Variants in DENND5B observed in about 807,000 individuals in gnomAD.
The protein encoded by DENND5B is DENN domain-containing protein 5B.
DENND5B carries 34 observed loss-of-function variants against 140.6 expected under a neutral mutation model. The observed-to-expected ratio is 0.24, with a 90% CI of 0.18 to 0.32. The LOEUF (loss-of-function observed/expected upper bound fraction) is 0.32, where lower values mean the gene tolerates loss of function less well. DENND5B is among the 10% of genes least tolerant of loss of function. The probability of loss-of-function intolerance (pLI) is 1.00; values close to 1 mark genes in which losing one functional copy is unlikely to be tolerated. For missense variants in DENND5B, 1,142 were observed against 1,560.2 expected, an observed-to-expected ratio of 0.73 and a Z score of 4.52; for synonymous variants, 551 against 562.1, an observed-to-expected ratio of 0.98 and a Z score of 0.28.
At chr12:31,435,455 CTT>C (rs1248573415) in intron 7 of DENND5B, among the ~76,000 whole-genome samples, 19 of 152,156 alleles carry the variant, frequency 1.2e-4, no homozygotes, top group Non-Finnish European at 2.4e-4. Flanking sequence ...TATCGCCAAT[CTT>C]TTTCTCAGTG....
intron 4 of DENND5B, among the ~76,000 whole-genome samples, chr12:31,459,295 T>C (rs1046567675): frequency 1.3e-5 from 2 of 148,626 alleles, no homozygotes; most frequent in East Asian, 2.1e-4. Flanking sequence ...ATAATTCTTG[T>C]TTATTTATTT....
chr12:31,387,280 C>T lies in DENND5B; in HGVS notation c.*323G>A. ...TGGCTAGCACCACTCTTCCCCCCAACCCCCAACATTTTTAAGCTACTTATT... is the reference window on the plus strand; with the variant it reads ...TGGCTAGCACCACTCTTCCCCCCAATCCCCAACATTTTTAAGCTACTTATT... On this transcript the variant is annotated 3_prime_UTR_variant, in exon 21 of 21. Coordinates refer to ENST00000389082, the MANE Select transcript of DENND5B (RefSeq NM_144973.4). The T allele has an allele frequency of 5.3e-6, 1 of 188,540 alleles. No homozygotes were observed. Among genetic ancestry groups the T allele is most frequent in the South Asian group, 1.4e-4 (1 of 7,100 alleles). The allele number at this position is 188,540 out of a possible 1,614,324, so 11.7% of individuals were successfully genotyped here. A position where few individuals can be genotyped will look rare whatever the true frequency, so the allele number is the denominator to read the frequency against.
intron 16 of DENND5B, among the ~76,000 whole-genome samples, chr12:31,398,923 A>C (rs991364595): frequency 2.6e-5 from 4 of 151,688 alleles, no homozygotes; most frequent in Non-Finnish European, 5.9e-5. Context: ...GGAGTTTGAG[A>C]CCAGCCTGGC....
intron 4 of DENND5B, among the ~76,000 whole-genome samples, chr12:31,453,722 C>T (rs771192353): frequency 2.0e-5 from 3 of 152,158 alleles, no homozygotes; most frequent in South Asian, 2.1e-4. Flanking sequence ...TGATCCTAGA[C>T]GGCAAAGTAA....
At chr12:31,444,390 C>T (rs1307056253) in intron 6 of DENND5B, among the ~76,000 whole-genome samples, 2 of 152,056 alleles carry the variant, frequency 1.3e-5, no homozygotes, top group Non-Finnish European at 2.9e-5. Context: ...ATTACAGGCA[C>T]CCGCCACCAT....
chr12:31,457,357 A>C (rs1011940130), intron 4 of DENND5B, among the ~76,000 whole-genome samples: 2 of 152,240 alleles, frequency 1.3e-5, no homozygotes, highest in African/African-American at 4.8e-5. Context: ...TTGGTGATTA[A>C]TTTATAAATC....
rs1341845471 is a variant in DENND5B, at chr12:31,386,094, T to G, written c.*1509A>C. ...GGAGTTAGGCACTTGTTTCATCTGT[T>G]TCTTCCTCCAGGAAATAAGGTTAAC... On this transcript the variant is annotated 3_prime_UTR_variant, in exon 21 of 21. Coordinates refer to ENST00000389082, the MANE Select transcript of DENND5B (RefSeq NM_144973.4). The G allele has an allele frequency of 1.9e-5, 3 of 154,446 alleles. No homozygotes were observed. Among genetic ancestry groups the G allele is most frequent in the Non-Finnish European group, 4.4e-5 (3 of 68,240 alleles). 9.6% of individuals were successfully genotyped at this position (154,446 alleles called of 1,614,324 possible). A position where few individuals can be genotyped will look rare whatever the true frequency, so the allele number is the denominator to read the frequency against.
At chr12:31,392,977 C>T (rs1394327154) in intron 17 of DENND5B, among the ~76,000 whole-genome samples, 1 of 152,146 alleles carries the variant, frequency 6.6e-6, no homozygotes, top group Non-Finnish European at 1.5e-5. Flanking sequence ...TTTCAGTTTC[C>T]TCAACTGAAA....
chr12:31,392,518 C>T, intron 18 of DENND5B, 96 bp downstream of exon 18: 1 of 1,528,570 alleles, frequency 6.5e-7, no homozygotes, highest in Middle Eastern at 1.8e-4. Flanking sequence ...AGAAAGCTTA[C>T]AAATGAAAAT....
chr12:31,571,278 T>C (rs1241713202), intron 1 of DENND5B, among the ~76,000 whole-genome samples: 1 of 152,258 alleles, frequency 6.6e-6, no homozygotes, highest in Non-Finnish European at 1.5e-5. Flanking sequence ...ACCAGTAAGA[T>C]AGAGATCAAG....
At chr12:31,578,272 G>T (rs1365487909) in intron 1 of DENND5B, among the ~76,000 whole-genome samples, 1 of 151,160 alleles carries the variant, frequency 6.6e-6, no homozygotes, top group Non-Finnish European at 1.5e-5. Flanking sequence ...CTGTCACATT[G>T]TATAATTGAG....
At chr12:31,537,481 T>TA (rs1313999458) in intron 1 of DENND5B, among the ~76,000 whole-genome samples, 1 of 151,038 alleles carries the variant, frequency 6.6e-6, no homozygotes, top group East Asian at 1.9e-4. Context: ...ACGCTGAAAA[T>TA]AAAAAATAAG....
At chr12:31,402,070 C>CA (rs147304148) in intron 15 of DENND5B, among the ~76,000 whole-genome samples, 58,491 of 119,682 alleles carry the variant, frequency 0.49, 14,613 homozygotes, top group East Asian at 0.78. Context: ...GATTCCGTCT[C>CA]AAAAAAAAAA....
rs118048440 is a variant in DENND5B at position 31,573,605 on chromosome 12, T to C, written c.127+17101A>G. ...GAAAAGTGAATGTAATTTCGTTCAA[T>C]ATTCATTAAGTAGGCTCAACACTTG... On this transcript the variant is annotated intron_variant, in intron 1 of 20. Coordinates refer to ENST00000389082, the MANE Select transcript of DENND5B (RefSeq NM_144973.4). 5.9e-5 allele frequency among the ~76,000 whole-genome samples: 9 copies of C among 152,368 alleles called. No homozygotes were observed. The East Asian group carries it at 1.7e-3, about 29-fold the overall frequency.
At chr12:31,460,168 T>C in intron 4 of DENND5B, 26 bp downstream of exon 4, 1 of 1,591,052 alleles carries the variant, frequency 6.3e-7, no homozygotes, top group Non-Finnish European at 8.6e-7. Context: ...AAACAGCAAA[T>C]GCTTCATCAT....
intron 1 of DENND5B, among the ~76,000 whole-genome samples, chr12:31,544,185 T>G (rs1032614322): frequency 5.3e-5 from 8 of 152,240 alleles, no homozygotes; most frequent in Non-Finnish European, 8.8e-5. Flanking sequence ...ATGAATTAAT[T>G]AAATATGTAA....
In DENND5B at chr12:31,495,875, T is replaced by C; in HGVS notation, c.172A>G (p.Lys58Glu). The C allele has an allele frequency of 6.2e-7, 1 of 1,613,174 alleles. No homozygotes were observed. The highest frequency in any genetic ancestry group is 8.5e-7 in the Non-Finnish European group (1 of 1,179,614). Reference sequence around the variant, plus strand: ...TTCTGAGGATAGTGGGCGAGAACTTTGGATTTGAATGTTCTTCTCAAAGGA... The same window carrying C: ...TTCTGAGGATAGTGGGCGAGAACTTCGGATTTGAATGTTCTTCTCAAAGGA... ...QSPLRRTFKS[K>E]VLAHYPQNIE... The change falls in exon 2 of 21, where the codon AAA (lysine) becomes GAA (glutamate). Residue 58 changes from lysine to glutamate, a missense_variant. Physicochemically the swap from Lys to Glu is moderately conservative, Grantham distance 56 (BLOSUM62 1). Transcript: ENST00000389082.
At chr12:31,423,356 G>A (rs1260121793) in intron 11 of DENND5B, among the ~76,000 whole-genome samples, 1 of 152,086 alleles carries the variant, frequency 6.6e-6, no homozygotes, top group Admixed American at 6.6e-5. Context: ...CAGCATGACC[G>A]TTCTAGCCTA....
intron 1 of DENND5B, among the ~76,000 whole-genome samples, chr12:31,568,604 C>T (rs1223085001): frequency 6.6e-6 from 1 of 152,116 alleles, no homozygotes; most frequent in Non-Finnish European, 1.5e-5. Context: ...GTGTGATGTG[C>T]GAATACAAAC....
Sources: gnomAD v4.1 joint callset for allele counts (sites outside exome capture counted in the v4.1 genomes callset) on GRCh38, gnomAD v4.1.1 for gene constraint, MANE v1.5 for transcripts, NCBI Gene and HGNC (gene_info 2026-07-23, HGNC 2026-07-21) for gene names.